The following ACSL1 variants were observed in gnomAD, a reference collection of about 807,000 sequenced individuals.
ACSL1 encodes the protein long-chain-fatty-acid--CoA ligase 1.
ACSL1 carries 41 observed loss-of-function variants against 98.4 expected under a neutral mutation model. The ratio of observed to expected loss-of-function variants is 0.42; its 90% CI spans 0.32 to 0.54. The LOEUF (loss-of-function observed/expected upper bound fraction) is 0.54. Ranked by LOEUF, ACSL1 falls within the 20% of genes least tolerant of loss-of-function variation. The pLI, the probability that ACSL1 is intolerant of heterozygous loss-of-function variation, is 0.13. For missense variants in ACSL1, 734 were observed against 883.1 expected, an observed-to-expected ratio of 0.83 and a Z score of 2.14; for synonymous variants, 316 against 322.7, an observed-to-expected ratio of 0.98 and a Z score of 0.22.
chr4:184,765,688 A>T (rs1232505262), intron 14 of ACSL1, among the ~76,000 whole-genome samples: 5 of 152,224 alleles, frequency 3.3e-5, no homozygotes, highest in African/African-American at 1.2e-4. Flanking sequence ...GGTAAGACAC[A>T]TGTTAATTAG....
At chr4:184,811,256 C>G (rs1186686995) in intron 1 of ACSL1, among the ~76,000 whole-genome samples, 2 of 151,838 alleles carry the variant, frequency 1.3e-5, no homozygotes, top group African/African-American at 2.4e-5. Flanking sequence ...CTTCAGGCAC[C>G]CGCCACCACG....
intron 2 of ACSL1, among the ~76,000 whole-genome samples, chr4:184,797,301 A>G (rs1211006404): frequency 6.6e-6 from 1 of 152,196 alleles, no homozygotes; most frequent in Non-Finnish European, 1.5e-5. Context: ...CTTATGAATC[A>G]ACGAGCTGCT....
At chr4:184,789,099 G>C (rs563752561) in intron 2 of ACSL1, among the ~76,000 whole-genome samples, 1 of 152,220 alleles carries the variant, frequency 6.6e-6, no homozygotes, top group African/African-American at 2.4e-5. Context: ...GGCCACCTGC[G>C]GAACAGCTGC....
intron 1 of ACSL1, chr4:184,812,064 C>T: frequency 1.8e-6 from 1 of 549,720 alleles, no homozygotes; most frequent in Non-Finnish European, 2.3e-6. Flanking sequence ...CTACACAATC[C>T]CCTCTATGAG....
Position 184,755,739 on chromosome 4 carries a change from T to G in ACSL1, c.*1386A>C, listed in dbSNP as rs1762064883. The G allele has an allele frequency of 6.5e-6, 1 of 152,684 alleles. No individual in the cohort carries two copies. 9.5% of individuals were successfully genotyped at this position (152,684 alleles called of 1,614,324 possible). The stretch of plus-strand genomic sequence containing the variant: ...ACAAATTATTGACTTTTTGTGCAAT[T>G]AAGAATACATATATGAAGTTAGGCT... On this transcript the variant is annotated 3_prime_UTR_variant, in exon 21 of 21. Coordinates refer to ENST00000281455, the MANE Select transcript of ACSL1 (RefSeq NM_001995.5).
At chr4:184,806,631 T>C (rs551957305) in intron 1 of ACSL1, among the ~76,000 whole-genome samples, 47 of 152,290 alleles carry the variant, frequency 3.1e-4, no homozygotes, top group Middle Eastern at 3.4e-3. Context: ...GCAGTAGCCA[T>C]GCTATAGACT....
intron 2 of ACSL1, among the ~76,000 whole-genome samples, chr4:184,797,989 C>T (rs531973739): frequency 1.3e-5 from 2 of 152,322 alleles, no homozygotes; most frequent in South Asian, 4.1e-4. Flanking sequence ...CATATATATG[C>T]TAACATATGG....
intron 1 of ACSL1, among the ~76,000 whole-genome samples, chr4:184,819,839 T>C (rs1407860526): frequency 1.3e-5 from 2 of 152,128 alleles, no homozygotes; most frequent in Non-Finnish European, 2.9e-5. Flanking sequence ...ACCCTGCCCC[T>C]CTTCCTAACA....
At chr4:184,762,327 GGCA>G in intron 17 of ACSL1, 77 bp downstream of exon 17, 1 of 1,220,502 alleles carries the variant, frequency 8.2e-7, no homozygotes, top group South Asian at 1.2e-5. Flanking sequence ...ACTGCCACAT[GGCA>G]GCTGCACAGT....
At chr4:184,802,813 C>T (rs1042027368) in intron 2 of ACSL1, among the ~76,000 whole-genome samples, 3 of 152,196 alleles carry the variant, frequency 2.0e-5, no homozygotes, top group Non-Finnish European at 2.9e-5. Flanking sequence ...TGTCCTGCCC[C>T]GAATTCTGCA....
chr4:184,763,012 T>C (rs533175907), intron 16 of ACSL1, among the ~76,000 whole-genome samples, 155 bp downstream of exon 16: 9 of 151,734 alleles, frequency 5.9e-5, no homozygotes, highest in Non-Finnish European at 7.4e-5. Context: ...TGAACATAAA[T>C]GTACCCTCAG....
intron 4 of ACSL1, among the ~76,000 whole-genome samples, chr4:184,781,854 GCCC>G (rs1263481090): frequency 6.6e-6 from 1 of 152,196 alleles, no homozygotes; most frequent in African/African-American, 2.4e-5. Context: ...CAGGTGATCT[GCCC>G]CCGTCGGCCT....
intron 1 of ACSL1, among the ~76,000 whole-genome samples, chr4:184,819,353 G>A (rs761149988): frequency 6.6e-6 from 1 of 151,934 alleles, no homozygotes; most frequent in Non-Finnish European, 1.5e-5. Flanking sequence ...ATGTTGTCCA[G>A]GCTGGTCTCG....
rs770898537 is a variant in ACSL1 at position 184,773,110 on chromosome 4, C to A, written c.886G>T (p.Asp296Tyr). The change falls in exon 10 of 21, where the codon GAT (aspartate) becomes TAT (tyrosine). Residue 296 changes from aspartate to tyrosine, a missense_variant. By Grantham distance (160) the Asp-to-Tyr change is radical. Transcript: ENST00000281455. This position sits in a 1 kb window ranked among gnomAD's most constrained non-coding sequence, Gnocchi z 4.3. Reference protein sequence around the residue: ...AMVTHRNIVSDCSAFVKATEN... With the variant: ...AMVTHRNIVSYCSAFVKATEN... ...GTTGCTTTCACAAAAGCTGAACAAT[C>A]GCTCACTATGTTTCGGTGAGTGACC... 1 of 1,614,016 alleles carries A rather than the reference C, an allele frequency of 6.2e-7. No individual in the cohort carries two copies. The highest frequency in any genetic ancestry group is 8.5e-7 in the Non-Finnish European group (1 of 1,179,872).
chr4:184,809,299 C>T (rs1771790855), intron 1 of ACSL1, among the ~76,000 whole-genome samples: 1 of 152,134 alleles, frequency 6.6e-6, no homozygotes, highest in Admixed American at 6.5e-5. Flanking sequence ...AGGACCATAC[C>T]TCAACCATTC....
chr4:184,782,821 G>C (rs1188532048), intron 4 of ACSL1, among the ~76,000 whole-genome samples: 1 of 152,150 alleles, frequency 6.6e-6, no homozygotes, highest in African/African-American at 2.4e-5. Flanking sequence ...GTCGACCCCA[G>C]AGGACGGACG....
chr4:184,818,729 T>C (rs1772824510), intron 1 of ACSL1, among the ~76,000 whole-genome samples: 1 of 152,118 alleles, frequency 6.6e-6, no homozygotes, highest in South Asian at 2.1e-4. Flanking sequence ...GGTGCCAATC[T>C]GTGGAAGCCA....
chr4:184,787,589 C>T (rs914321524), intron 3 of ACSL1, among the ~76,000 whole-genome samples: 1 of 152,152 alleles, frequency 6.6e-6, no homozygotes. Flanking sequence ...CATGGCCGGG[C>T]ATGGTGACTC....
At chr4:184,821,704 G>A (rs945891347) in intron 1 of ACSL1, among the ~76,000 whole-genome samples, 1 of 152,154 alleles carries the variant, frequency 6.6e-6, no homozygotes, top group Non-Finnish European at 1.5e-5. Context: ...TCCAACAAAT[G>A]GGGAGAAGTA....
Sources: gnomAD v4.1 joint callset for allele counts (sites outside exome capture counted in the v4.1 genomes callset) on GRCh38, gnomAD v4.1.1 for gene constraint, Gnocchi (gnomAD v3.1) non-coding constraint, MANE v1.5 for transcripts, NCBI Gene and HGNC (gene_info 2026-07-23, HGNC 2026-07-21) for gene names.